Variants in KRT6B observed in about 807,000 individuals in gnomAD.
KRT6B encodes the protein keratin, type II cytoskeletal 6B.
Under a neutral mutation model 44.7 loss-of-function variants are expected in KRT6B, and 29 were observed. The ratio of observed to expected loss-of-function variants is 0.65; its 90% confidence interval spans 0.48 to 0.88. KRT6B has a LOEUF of 0.88. Among genes scored for constraint, KRT6B ranks in the 40% least tolerant of loss-of-function variants. The probability of loss-of-function intolerance (pLI) is 0.00; values close to 1 mark genes in which losing one functional copy is unlikely to be tolerated. For synonymous variants in KRT6B, 213 were observed against 296.0 expected, an observed-to-expected ratio of 0.72 and a Z score of 2.88; for missense variants, 600 against 724.0, an observed-to-expected ratio of 0.83 and a Z score of 1.97.
chr12:52,450,770 C>A (rs1414178847), intron 1 of KRT6B, 150 bp from the exon 2 acceptor site: 36 of 1,282,572 alleles, frequency 2.8e-5, no homozygotes, highest in Middle Eastern at 2.3e-4. Flanking sequence ...GCTCCCCCAA[C>A]TCCTTCTCCT....
chr12:52,449,368 C>A (rs1940361105), intron 5 of KRT6B, 101 bp downstream of exon 5: 1 of 1,554,432 alleles, frequency 6.4e-7, no homozygotes, highest in Admixed American at 1.7e-5. Flanking sequence ...GTGAGAGGAC[C>A]CCAGCTTCCT....
intron 4 of KRT6B, 44 bp downstream of exon 4, chr12:52,449,714 G>T (rs755580131): frequency 6.2e-7 from 1 of 1,614,132 alleles, no homozygotes; most frequent in Admixed American, 1.7e-5. Context: ...TCTCCCCTTT[G>T]CAGACCCCAT....
rs1357446604 is a variant in KRT6B, at chr12:52,447,168, A to T, written c.*22T>A. On this transcript the variant is annotated 3_prime_UTR_variant, in exon 9 of 9. Coordinates refer to ENST00000252252, the MANE Select transcript of KRT6B (RefSeq NM_005555.4). ...CAGAGAGGGGCCTGAGAGCTGTGGGACTGAGAGCTGGCGGCAGCACTTCAG... is the reference window on the plus strand; with the variant it reads ...CAGAGAGGGGCCTGAGAGCTGTGGGTCTGAGAGCTGGCGGCAGCACTTCAG... The T allele has an allele frequency of 5.0e-6, 8 of 1,613,450 alleles. No individual in the cohort carries two copies. The highest frequency in any genetic ancestry group is 6.8e-6 in the Non-Finnish European group (8 of 1,179,878).
rs755554178 is a variant in KRT6B at position 52,447,765 on chromosome 12, G to A, written c.1424+13C>T. 5.1e-5 allele frequency: 83 copies of A among 1,614,192 alleles called. No homozygotes were observed. The highest frequency in any genetic ancestry group is 5.5e-5 in the South Asian group (5 of 91,080). ...GGACTCAGCTGTTGGAGGAAGTCGC[G>A]TCAGTTACCCACCTGCACTCCTCGC... On this transcript the variant is annotated intron_variant, in intron 7 of 8. Transcript: ENST00000252252.
chr12:52,451,534 C>T lies in KRT6B; in HGVS notation c.540+5G>A, dbSNP rs575382239. 10 of 1,613,784 alleles carry T rather than the reference C, an allele frequency of 6.2e-6. No homozygotes were observed. The East Asian group carries it at 1.6e-4, about 25-fold the overall frequency. On this transcript the variant is annotated splice_donor_5th_base_variant and intron_variant, in intron 1 of 8. Coordinates refer to ENST00000252252, the MANE Select transcript of KRT6B (RefSeq NM_005555.4). ...TGCCCGATGGAGGGCATGGCACTGG[C>T]TCACCTTGTCGATGAAGGAGGCAAA...
chr12:52,447,567 A>G lies in KRT6B; in HGVS notation c.1431T>C (p.Asn477=), dbSNP rs1302621389. ...KLLEGEECRL[N]GEGVGQVNIS... ...TGTTGACTTGTCCAACGCCTTCGCCATTCAGCCTGTGGAGAGGAACACAGG... is the reference window on the plus strand; with the variant it reads ...TGTTGACTTGTCCAACGCCTTCGCCGTTCAGCCTGTGGAGAGGAACACAGG... The change falls in exon 8 of 9, where the codon AAT becomes AAC. Residue 477 remains asparagine, a synonymous_variant. Transcript: ENST00000252252. 1.9e-6 allele frequency: 3 copies of G among 1,614,016 alleles called. No homozygotes were observed. Among genetic ancestry groups the G allele is most frequent in the Admixed American group, 1.7e-5 (1 of 60,022 alleles).
chr12:52,447,925 T>G lies in KRT6B; in HGVS notation c.1277A>C (p.Lys426Thr). ...GEMALKDAKNKLEGLEDALQK... is the reference protein window; with the variant it reads ...GEMALKDAKNTLEGLEDALQK... ...CAGGGCATCCTCCAGCCCTTCCAGC[T>G]TGTTCTTAGCATCCTTGAGGGCCAT... is the stretch of plus-strand genomic sequence containing the variant. The change falls in exon 7 of 9, where the codon AAG (lysine) becomes ACG (threonine). Residue 426 changes from lysine (K) to threonine (T), a missense_variant. Coordinates refer to ENST00000252252, the MANE Select transcript of KRT6B (RefSeq NM_005555.4). 1 of 1,614,184 alleles carries G rather than the reference T, an allele frequency of 6.2e-7. No individual in the cohort carries two copies. Among genetic ancestry groups the G allele is most frequent in the Non-Finnish European group, 8.5e-7 (1 of 1,180,028 alleles).
chr12:52,448,322 C>T (rs1246328283), intron 6 of KRT6B, among the ~76,000 whole-genome samples: 1 of 152,186 alleles, frequency 6.6e-6, no homozygotes, highest in African/African-American at 2.4e-5. Context: ...GATGACCTTA[C>T]ATGGATGCCA....
rs1395414936 is a variant in KRT6B, at chr12:52,447,547, A to G, written c.1451T>C (p.Val484Ala). The change falls in exon 8 of 9, where the codon GTC (valine) becomes GCC (alanine). Residue 484 changes from valine (V) to alanine (A), a missense_variant. Val to Ala is a moderately conservative substitution (Grantham distance 64). This residue lies in a region of KRT6B where 479 missense variants were observed against 454.2 expected (regional missense o/e 1.05). Transcript: ENST00000252252. ...CAAACAAAGGTACTTACAGATGTTG[A>G]CTTGTCCAACGCCTTCGCCATTCAG... ...CRLNGEGVGQ[V>A]NISVVQSTVS... 6.2e-7 allele frequency: 1 copy of G among 1,613,992 alleles called. No individual in the cohort carries two copies. Among genetic ancestry groups the G allele is most frequent in the Admixed American group, 1.7e-5 (1 of 60,018 alleles).
Position 52,450,602 on chromosome 12 carries a change from G to A in KRT6B, c.559C>T (p.Gln187Ter), listed in dbSNP as rs757158283. Residue 187 changes from glutamine to a stop codon, truncating the protein, a stop_gained, in exon 2 of 9, where the codon CAG becomes TAG. Transcript: ENST00000252252. LOFTEE classifies it high-confidence loss of function. ...FIDKVRFLEQ[Q>*]NKVLDTKWTL... Reference sequence around the variant, plus strand: ...CACTTGGTGTCCAGAACCTTGTTCTGCTGCTCTAGGAACCGCACCTGGAGG... The same window carrying A: ...CACTTGGTGTCCAGAACCTTGTTCTACTGCTCTAGGAACCGCACCTGGAGG... 6.2e-6 allele frequency: 10 copies of A among 1,614,016 alleles called. No homozygotes were observed. In the Admixed American group the frequency reaches 8.3e-5, roughly 13 times the overall value.
chr12:52,450,033 A>G lies in KRT6B; in HGVS notation c.795T>C (p.Asn265=), dbSNP rs1310228287. The G allele has an allele frequency of 3.1e-6, 5 of 1,613,914 alleles. No homozygotes were observed. Among genetic ancestry groups the G allele is most frequent in the Non-Finnish European group, 3.4e-6 (4 of 1,179,886 alleles). The change falls in exon 3 of 9, where the codon AAT becomes AAC. Residue 265 remains asparagine, a synonymous_variant. Coordinates refer to ENST00000252252, the MANE Select transcript of KRT6B (RefSeq NM_005555.4). ...TCACCTTCTTCAGAGTCACAAATTC[A>G]TTCTCTGCTGCTGTGCGCTTGTTGA... is the stretch of plus-strand genomic sequence containing the variant. ...DEINKRTAAE[N]EFVTLKKDVD... is the part of the protein sequence containing the mutation.
intron 8 of KRT6B, 33 bp from the exon 9 acceptor site, chr12:52,447,458 C>T (rs762062750): frequency 1.9e-6 from 3 of 1,613,920 alleles, no homozygotes; most frequent in African/African-American, 2.7e-5. Flanking sequence ...ACACAAGAAG[C>T]CACAATGAGT....
rs1249730723 is a variant in KRT6B, at chr12:52,450,428, G to C, written c.733C>G (p.Leu245Val). Reference protein sequence around the residue: ...LDSELRNMQDLVEDLKNKYED... With the variant: ...LDSELRNMQDVVEDLKNKYED... ...CACTTGTTCTTGAGGTCCTCCACCA[G>C]GTCCTGCATGTTTCTCAGCTCCGAG... Residue 245 changes from leucine to valine, a missense_variant, in exon 2 of 9, where the codon CTG becomes GTG. Leu to Val is a conservative substitution (Grantham distance 32, BLOSUM62 1). This residue lies in a region of KRT6B where 479 missense variants were observed against 454.2 expected (regional missense o/e 1.05). Transcript: ENST00000252252. 5.0e-6 allele frequency: 8 copies of C among 1,613,962 alleles called. No individual in the cohort carries two copies. Among genetic ancestry groups the C allele is most frequent in the Non-Finnish European group, 6.8e-6 (8 of 1,180,056 alleles).
In KRT6B at chr12:52,448,960, T is replaced by G. The variant is rs772057116; in HGVS notation, c.1085A>C (p.Glu362Ala). 1 of 1,612,888 alleles carries G rather than the reference T, an allele frequency of 6.2e-7. No individual in the cohort carries two copies. The highest frequency in any genetic ancestry group is 8.5e-7 in the Non-Finnish European group (1 of 1,179,170). Residue 362 changes from glutamate to alanine, a missense_variant, in exon 6 of 9, where the codon GAG (glutamate) becomes GCG (alanine). Transcript: ENST00000252252. ...AESWYQTKYE[E>A]LQITAGRHGD... ...ATGTCTGCCTGCTGTGATCTGCAGCTCCTCGTACTGCAGCCCAGAGGTGGA... is the reference window on the plus strand; with the variant it reads ...ATGTCTGCCTGCTGTGATCTGCAGCGCCTCGTACTGCAGCCCAGAGGTGGA...
chr12:52,447,292 G>A lies in KRT6B; in HGVS notation c.1593C>T (p.Ser531=), dbSNP rs148209422. ...TGAGGCCACCCCCAGTGGCTCTGCC[G>A]CTGCTGGAACTAAAGCCGCCTCCAA... The part of the protein sequence containing the change: ...LGVGGGFSSS[S]GRATGGGLSS... The change falls in exon 9 of 9, where the codon AGC becomes AGT. Residue 531 remains serine (S), a synonymous_variant. Transcript: ENST00000252252. The A allele has an allele frequency of 3.2e-5, 51 of 1,613,898 alleles. No homozygotes were observed. Among genetic ancestry groups the A allele is most frequent in the South Asian group, 5.5e-5 (5 of 91,078 alleles).
rs778928623 is a variant in KRT6B at position 52,448,015 on chromosome 12, A to G, written c.1204-17T>C. Reference sequence around the variant, plus strand: ...GTTGGCACACTAGGAGGGCAAAGGAAGAGAAAGAACTTGTCATCTGGTCTT... The same window carrying G: ...GTTGGCACACTAGGAGGGCAAAGGAGGAGAAAGAACTTGTCATCTGGTCTT... On this transcript the variant is annotated splice_polypyrimidine_tract_variant and intron_variant, in intron 6 of 8. Coordinates refer to ENST00000252252, the MANE Select transcript of KRT6B (RefSeq NM_005555.4). The G allele has an allele frequency of 2.3e-5, 37 of 1,614,026 alleles. No homozygotes were observed. Among genetic ancestry groups the G allele is most frequent in the Non-Finnish European group, 3.0e-5 (35 of 1,180,018 alleles).
intron 6 of KRT6B, among the ~76,000 whole-genome samples, 179 bp from the exon 7 acceptor site, chr12:52,448,177 GAT>G (rs1940343448): frequency 1.3e-5 from 2 of 152,190 alleles, no homozygotes; most frequent in African/African-American, 4.8e-5. Context: ...GGAGTCACAT[GAT>G]AAAATCCTGT....
chr12:52,451,038 C>T (rs1940395795), intron 1 of KRT6B, among the ~76,000 whole-genome samples: 1 of 152,046 alleles, frequency 6.6e-6, no homozygotes, highest in African/African-American at 2.4e-5. Context: ...AGTGTCTCCT[C>T]TCAAATATTC....
At chr12:52,450,881 T>C (rs71455203) in intron 1 of KRT6B, among the ~76,000 whole-genome samples, 36 of 152,356 alleles carry the variant, frequency 2.4e-4, no homozygotes, top group African/African-American at 6.7e-4. Flanking sequence ...CATTTCTTCT[T>C]TTCTTTTTCC....
Sources: allele counts gnomAD v4.1 joint callset (sites outside exome capture counted in the v4.1 genomes callset), GRCh38; gene constraint gnomAD v4.1.1; regional missense constraint gnomAD v4.1.1; transcripts MANE v1.5; gene names NCBI Gene and HGNC (gene_info 2026-07-23, HGNC 2026-07-21).